The following RC3H1 variants were observed in gnomAD, a reference collection of about 807,000 sequenced individuals.
The protein encoded by RC3H1 is ring finger and CCCH-type domains 1.
In RC3H1, 50 loss-of-function variants were observed where a neutral mutation model predicts 138.2. The ratio of observed to expected loss-of-function variants is 0.36; its 90% confidence interval spans 0.29 to 0.46. RC3H1 has a LOEUF of 0.46. RC3H1 is among the 20% of genes least tolerant of loss of function. The probability of loss-of-function intolerance (pLI) is 1.00; values close to 1 mark genes in which losing one functional copy is unlikely to be tolerated. For missense variants in RC3H1, 1,031 were observed against 1,388.1 expected, an observed-to-expected ratio of 0.74 and a Z score of 4.09; for synonymous variants, 462 against 489.1, an observed-to-expected ratio of 0.94 and a Z score of 0.73.
chr1:173,964,778 C>T (rs1379031735), intron 10 of RC3H1, 61 bp downstream of exon 10: 21 of 1,342,086 alleles, frequency 1.6e-5, no homozygotes, highest in Non-Finnish European at 1.9e-5. Flanking sequence ...ATTAATTATT[C>T]TATCTTCCTT....
chr1:173,959,600 G>A lies in RC3H1; in HGVS notation c.2370+1477C>T, dbSNP rs149735571. 7.3e-3 allele frequency among the ~76,000 whole-genome samples: 1,117 copies of A among 152,004 alleles called. 20 individuals carry two copies. The highest frequency in any genetic ancestry group is 0.026 in the African/African-American group (1,078 of 41,466). Reference sequence around the variant, plus strand: ...ATCTTGGCCAACATGGTGAAACCCCGTCTCTACTAAAATACAAAAAATTAG... The same window carrying A: ...ATCTTGGCCAACATGGTGAAACCCCATCTCTACTAAAATACAAAAAATTAG... On this transcript the variant is annotated intron_variant, in intron 13 of 19. Transcript: ENST00000367696.
At chr1:174,010,289 C>A (rs1482706840) in intron 1 of RC3H1, among the ~76,000 whole-genome samples, 1 of 152,104 alleles carries the variant, frequency 6.6e-6, no homozygotes, top group African/African-American at 2.4e-5. Flanking sequence ...GTCATTCATT[C>A]AAAAACTACT....
chr1:173,991,457 G>T (rs913305797), intron 2 of RC3H1, among the ~76,000 whole-genome samples: 5 of 152,104 alleles, frequency 3.3e-5, no homozygotes, highest in African/African-American at 1.2e-4. Flanking sequence ...AATGTCACCG[G>T]TTTCATTTAC....
intron 17 of RC3H1, among the ~76,000 whole-genome samples, chr1:173,945,407 T>G (rs1318097502): frequency 1.3e-5 from 2 of 152,220 alleles, no homozygotes; most frequent in Admixed American, 6.5e-5. Flanking sequence ...ATTACAAGCA[T>G]GAACCACCAC....
intron 1 of RC3H1, among the ~76,000 whole-genome samples, chr1:174,012,538 C>T (rs912782382): frequency 3.3e-5 from 5 of 151,986 alleles, no homozygotes; most frequent in Admixed American, 6.6e-5. Context: ...AATCCCAGCA[C>T]TTTGGGAGGC....
chr1:173,957,606 G>C, intron 13 of RC3H1, among the ~76,000 whole-genome samples: 1 of 152,120 alleles, frequency 6.6e-6, no homozygotes, highest in East Asian at 1.9e-4. Flanking sequence ...CTGGAGTGCA[G>C]TAGCACAATC....
chr1:173,947,674 A>T, intron 14 of RC3H1, 92 bp from the exon 15 acceptor site: 1 of 878,840 alleles, frequency 1.1e-6, no homozygotes, highest in Non-Finnish European at 1.8e-6. Context: ...AAAGAAGAGT[A>T]CAGCACTCTT....
intron 6 of RC3H1, among the ~76,000 whole-genome samples, chr1:173,979,283 G>C (rs79237057): frequency 4.2e-3 from 635 of 152,294 alleles, no homozygotes; most frequent in Middle Eastern, 0.017. Context: ...GAAAATTACT[G>C]TAGGATATAC....
rs566514680 is a variant in RC3H1 at position 173,970,066 on chromosome 1, G to A, written c.1334+439C>T. ...TGTACAGGTTGAATATCTCTTACCC[G>A]AAATGCTTGAGACCAGAAGTGTTTC... On this transcript the variant is annotated intron_variant, in intron 9 of 19. Transcript: ENST00000367696. Among the ~76,000 whole-genome samples, 9 of 152,150 alleles carry A rather than the reference G, an allele frequency of 5.9e-5. No individual in the cohort carries two copies. In the South Asian group the frequency reaches 1.0e-3, roughly 18 times the overall value.
At chr1:173,974,639 T>G (rs1285368136) in intron 7 of RC3H1, among the ~76,000 whole-genome samples, 1 of 145,740 alleles carries the variant, frequency 6.9e-6, no homozygotes, top group African/African-American at 2.8e-5. Flanking sequence ...GGAGGTGGAA[T>G]CAGAGAGGAG....
intron 1 of RC3H1, among the ~76,000 whole-genome samples, chr1:174,015,625 G>A (rs12063313): frequency 0.37 from 56,415 of 151,254 alleles, 16,059 homozygotes; most frequent in African/African-American, 0.79. Context: ...TCAGCCTCCC[G>A]AAGTTCTGGG....
intron 1 of RC3H1, among the ~76,000 whole-genome samples, chr1:173,997,405 G>GAATCCTAA (rs1661482460): frequency 6.6e-6 from 1 of 152,036 alleles, no homozygotes; most frequent in Non-Finnish European, 1.5e-5. Flanking sequence ...CAAAACATTT[G>GAATCCTAA]TCCTAATATT....
intron 1 of RC3H1, among the ~76,000 whole-genome samples, chr1:174,000,792 C>T (rs1449361333): frequency 6.6e-6 from 1 of 152,110 alleles, no homozygotes; most frequent in Non-Finnish European, 1.5e-5. Flanking sequence ...AAGAAGAAAA[C>T]TAATGAAGGC....
intron 18 of RC3H1, among the ~76,000 whole-genome samples, chr1:173,941,609 A>T (rs945174836): frequency 2.6e-5 from 4 of 152,164 alleles, no homozygotes; most frequent in African/African-American, 9.7e-5. Context: ...CCTCAAGCTA[A>T]CATGAAAAAA....
chr1:173,965,184 G>T, intron 9 of RC3H1, 64 bp from the exon 10 acceptor site: 1 of 1,355,372 alleles, frequency 7.4e-7, no homozygotes, highest in Non-Finnish European at 1.0e-6. Flanking sequence ...GAACTAAAAT[G>T]TACTTAATAT....
chr1:174,014,850 T>C (rs1007076402), intron 1 of RC3H1, among the ~76,000 whole-genome samples: 3 of 152,224 alleles, frequency 2.0e-5, no homozygotes, highest in Non-Finnish European at 4.4e-5. Context: ...GCGAGGTCTA[T>C]ATTCTAATAT....
At chr1:174,021,429 T>TA (rs199500056) in intron 1 of RC3H1, among the ~76,000 whole-genome samples, 1,836 of 152,270 alleles carry the variant, frequency 0.012, 47 homozygotes, top group African/African-American at 0.042. Flanking sequence ...GCGCATCCCT[T>TA]ACCACTCCAT....
intron 16 of RC3H1, 66 bp downstream of exon 16, chr1:173,946,680 C>T: frequency 6.3e-7 from 1 of 1,596,938 alleles, no homozygotes; most frequent in Non-Finnish European, 8.5e-7. Context: ...ACCAGAAAAA[C>T]AAAAAGAAGT....
intron 1 of RC3H1, among the ~76,000 whole-genome samples, chr1:174,001,314 C>T (rs1000740366): frequency 5.9e-5 from 9 of 152,132 alleles, no homozygotes; most frequent in Non-Finnish European, 7.4e-5. Flanking sequence ...TTTAACTTTA[C>T]GTATGTAGTT....
Sources: gnomAD v4.1 joint callset for allele counts (sites outside exome capture counted in the v4.1 genomes callset) on GRCh38, gnomAD v4.1.1 for gene constraint, MANE v1.5 for transcripts, NCBI Gene and HGNC (gene_info 2026-07-23, HGNC 2026-07-21) for gene names.